CASP10: variants seen among roughly 807,000 people sequenced by gnomAD.
The protein encoded by CASP10 is caspase-10.
CASP10 carries 41 observed loss-of-function variants against 48.5 expected under a neutral mutation model. The ratio of observed to expected loss-of-function variants is 0.85; its 90% CI spans 0.66 to 1.10. CASP10 has a LOEUF of 1.10. Ranked by LOEUF, CASP10 falls within the 50% of genes least tolerant of loss-of-function variation. CASP10 has a pLI of 0.00. For missense variants in CASP10, 614 were observed against 614.5 expected, an observed-to-expected ratio of 1.00 and a Z score of 0.01; for synonymous variants, 232 against 238.4, an observed-to-expected ratio of 0.97 and a Z score of 0.25.
intron 7 of CASP10, 198 bp downstream of exon 7, chr2:201,206,171 T>C: frequency 2.0e-6 from 1 of 501,764 alleles, no homozygotes. Context: ...TCTGTATCAA[T>C]CAGAAGTGAC....
Position 201,209,579 on chromosome 2 carries a change from T to A in CASP10, c.1415+17T>A. On this transcript the variant is annotated intron_variant, in intron 9 of 9. Coordinates refer to ENST00000286186, the MANE Select transcript of CASP10 (RefSeq NM_032977.4). ...GGTCCCAAGGTGAGAGCTCTTTTTT[T>A]TCTTCCATTTGTAATTAATTAGTTT... 2 of 1,595,686 alleles carry A rather than the reference T, an allele frequency of 1.3e-6. No individual in the cohort carries two copies. Among genetic ancestry groups the A allele is most frequent in the Non-Finnish European group, 1.7e-6 (2 of 1,173,768 alleles).
At chr2:201,211,441 T>C (rs1395196492) in intron 9 of CASP10, among the ~76,000 whole-genome samples, 1 of 152,230 alleles carries the variant, frequency 6.6e-6, no homozygotes, top group East Asian at 1.9e-4. Flanking sequence ...ACTGCTTCTA[T>C]GACATCAACT....
At chr2:201,200,324 G>A in intron 5 of CASP10, 1 of 855,190 alleles carries the variant, frequency 1.2e-6, no homozygotes, top group Non-Finnish European at 1.8e-6. Context: ...ATTCTTGTGT[G>A]ATCCAGCATT....
chr2:201,191,964 C>G (rs542323099), intron 3 of CASP10, among the ~76,000 whole-genome samples: 1 of 152,298 alleles, frequency 6.6e-6, no homozygotes, highest in African/African-American at 2.4e-5. Flanking sequence ...ATGTCCAGGT[C>G]CCATTTAAGT....
In CASP10 at chr2:201,218,959, T is replaced by C. The variant is rs1945652385; in HGVS notation, c.*1218T>C. ...ACTCAGCTGCTCTGCAAGCAGAAAC[T>C]TTACAACCTGATGTCATATTCCATT... On this transcript the variant is annotated 3_prime_UTR_variant, in exon 10 of 10. Coordinates refer to ENST00000286186, the MANE Select transcript of CASP10 (RefSeq NM_032977.4). 1 of 985,444 alleles carries C rather than the reference T, an allele frequency of 1.0e-6. No homozygotes were observed. The highest frequency in any genetic ancestry group is 4.7e-5 in the South Asian group (1 of 21,294). 61.0% of individuals were successfully genotyped at this position (985,444 alleles called of 1,614,324 possible).
chr2:201,187,685 C>T, intron 2 of CASP10, 21 bp from the exon 3 acceptor site: 1 of 1,577,782 alleles, frequency 6.3e-7, no homozygotes, highest in Non-Finnish European at 8.7e-7. Context: ...CTTTATTTGT[C>T]ATTTTGGGTG....
Position 201,209,557 on chromosome 2 carries a change from C to T in CASP10, c.1410C>T (p.Val470=). ...TGTGTAATCATCTGAAGAAATTGGT[C>T]CCAAGGTGAGAGCTCTTTTTTTTCT... ...QSLCNHLKKL[V]PRHEDILSIL... The change falls in exon 9 of 10, where the codon GTC becomes GTT. Residue 470 remains valine (V), a synonymous_variant. Transcript: ENST00000286186. The T allele has an allele frequency of 6.2e-7, 1 of 1,605,240 alleles. No homozygotes were observed. Among genetic ancestry groups the T allele is most frequent in the African/African-American group, 1.3e-5 (1 of 74,262 alleles).
Position 201,228,966 on chromosome 2 carries a change from CA to C in CASP10, c.1450del (p.Arg484GlyfsTer80), listed in dbSNP as rs751148047. 4 of 1,614,172 alleles carry C rather than the reference CA, an allele frequency of 2.5e-6. No homozygotes were observed. Among genetic ancestry groups the C allele is most frequent in the Admixed American group, 3.3e-5 (2 of 60,028 alleles). On this transcript the variant is annotated frameshift_variant, in exon 10 of 10. Transcript: ENST00000272879. LOFTEE classifies it low-confidence loss of function (END_TRUNC). The stretch of plus-strand genomic sequence containing the variant: ...AATTTCTGGAAAAGACAATGGAAAT[CA>C]GGGGCAGGAAGAGAACAGTGTGGGG...
At chr2:201,208,936 C>T (rs1559308513) in intron 8 of CASP10, 134 bp from the exon 9 acceptor site, 1 of 975,448 alleles carries the variant, frequency 1.0e-6, no homozygotes, top group East Asian at 2.6e-5. Context: ...CTTCGGCCTT[C>T]CAAAGTGCTG....
intron 5 of CASP10, among the ~76,000 whole-genome samples, chr2:201,201,506 G>T (rs193102872): frequency 6.6e-6 from 1 of 152,050 alleles, no homozygotes; most frequent in East Asian, 1.9e-4. Context: ...GATTCTGCTC[G>T]TTGTCTTTGA....
At chr2:201,214,353 T>C (rs1359966614) in intron 9 of CASP10, 2 of 152,130 alleles carry the variant, frequency 1.3e-5, no homozygotes, top group Non-Finnish European at 2.9e-5. Flanking sequence ...TAGAAAAATT[T>C]GTAGGGAAAT....
chr2:201,207,445 A>G (rs1201590021), intron 7 of CASP10, among the ~76,000 whole-genome samples: 1 of 150,918 alleles, frequency 6.6e-6, no homozygotes, highest in Non-Finnish European at 1.5e-5. Context: ...ACATGGTGAA[A>G]CTCTACCTCA....
In CASP10 at chr2:201,209,260, C is replaced by T. The variant is rs1400007183; in HGVS notation, c.1113C>T (p.Leu371=). The T allele has an allele frequency of 1.9e-6, 3 of 1,614,084 alleles. No individual in the cohort carries two copies. The Admixed American group carries it at 5.0e-5, about 27-fold the overall frequency. The change falls in exon 9 of 10, where the codon CTC becomes CTT. Residue 371 remains leucine (L), a synonymous_variant. Coordinates refer to ENST00000286186, the MANE Select transcript of CASP10 (RefSeq NM_032977.4). ...FGAVYSSDEA[L]IPIREIMSHF... Reference sequence around the variant, plus strand: ...CTGTCTACTCTTCGGATGAGGCCCTCATTCCCATTCGGGAGATCATGTCTC... The same window carrying T: ...CTGTCTACTCTTCGGATGAGGCCCTTATTCCCATTCGGGAGATCATGTCTC...
At chr2:201,210,741 G>A (rs1052622387) in intron 9 of CASP10, among the ~76,000 whole-genome samples, 11 of 152,168 alleles carry the variant, frequency 7.2e-5, no homozygotes, top group Admixed American at 4.6e-4. Context: ...ACTGGGTACC[G>A]AACTGGGGAC....
intron 5 of CASP10, among the ~76,000 whole-genome samples, chr2:201,199,546 A>G (rs1448038424): frequency 6.6e-6 from 1 of 150,408 alleles, no homozygotes; most frequent in East Asian, 1.9e-4. Flanking sequence ...TTTAGTTGTC[A>G]TGATCCTTTA....
chr2:201,221,261 G>A lies in CASP10; in HGVS notation c.*3520G>A, dbSNP rs1945713687. On this transcript the variant is annotated 3_prime_UTR_variant, in exon 10 of 10. Transcript: ENST00000286186. Reference sequence around the variant, plus strand: ...CTACCGCAGCAGAAGGCCAGCTCTTGACTCTGAGTTCAGTTGGACAAAATG... The same window carrying A: ...CTACCGCAGCAGAAGGCCAGCTCTTAACTCTGAGTTCAGTTGGACAAAATG... 1 of 985,672 alleles carries A rather than the reference G, an allele frequency of 1.0e-6. No individual in the cohort carries two copies. The highest frequency in any genetic ancestry group is 1.2e-6 in the Non-Finnish European group (1 of 830,220). 61.1% of individuals were successfully genotyped at this position (985,672 alleles called of 1,614,324 possible). A position where few individuals can be genotyped will look rare whatever the true frequency, so the allele number is the denominator to read the frequency against.
Position 201,185,922 on chromosome 2 carries a change from A to G in CASP10, c.145A>G (p.Asn49Asp). The G allele has an allele frequency of 6.2e-7, 1 of 1,614,214 alleles. No individual in the cohort carries two copies. The highest frequency in any genetic ancestry group is 8.5e-7 in the Non-Finnish European group (1 of 1,180,038). The change falls in exon 2 of 10, where the codon AAC (asparagine) becomes GAC (aspartate). Residue 49 changes from asparagine to aspartate, a missense_variant. Coordinates refer to ENST00000286186, the MANE Select transcript of CASP10 (RefSeq NM_032977.4). ...GTTTCTCTGCATAGGATTGGTCCCCAACAAGAAGCTGGAGAAGTCCAGCTC... is the reference window on the plus strand; with the variant it reads ...GTTTCTCTGCATAGGATTGGTCCCCGACAAGAAGCTGGAGAAGTCCAGCTC... ...LKFLCIGLVPNKKLEKSSSAS... is the reference protein window; with the variant it reads ...LKFLCIGLVPDKKLEKSSSAS...
At position 201,217,591 on chromosome 2, in the gene CASP10, T is replaced by C; in HGVS notation, c.1419T>C (p.His473=). 6.2e-7 allele frequency: 1 copy of C among 1,612,754 alleles called. No homozygotes were observed. Among genetic ancestry groups the C allele is most frequent in the Non-Finnish European group, 8.5e-7 (1 of 1,178,702 alleles). The change falls in exon 10 of 10, where the codon CAT becomes CAC. Residue 473 remains histidine, a synonymous_variant. Coordinates refer to ENST00000286186, the MANE Select transcript of CASP10 (RefSeq NM_032977.4). The part of the protein sequence containing the change: ...CNHLKKLVPR[H]EDILSILTAV... Reference sequence around the variant, plus strand: ...TTTGTTTTCTTCTTTGTTGCAGACATGAAGACATCTTATCCATCCTCACTG... The same window carrying C: ...TTTGTTTTCTTCTTTGTTGCAGACACGAAGACATCTTATCCATCCTCACTG...
intron 1 of CASP10, among the ~76,000 whole-genome samples, chr2:201,183,882 T>C (rs868824745): frequency 1.4e-5 from 2 of 140,972 alleles, no homozygotes; most frequent in Non-Finnish European, 1.5e-5. Context: ...ATTTATTTAT[T>C]TATTTATCTA....
Sources: gnomAD v4.1 joint callset for allele counts (sites outside exome capture counted in the v4.1 genomes callset) on GRCh38, gnomAD v4.1.1 for gene constraint, MANE v1.5 for transcripts, NCBI Gene and HGNC (gene_info 2026-07-23, HGNC 2026-07-21) for gene names.